Variants in VANGL1 observed in about 807,000 individuals in gnomAD.
VANGL1 encodes vang-like protein 1.
A neutral mutation model predicts 48.4 loss-of-function variants in VANGL1; 18 were observed. The observed-to-expected ratio is 0.37, with a 90% confidence interval of 0.26 to 0.55. VANGL1 has a LOEUF of 0.55. Among genes scored for constraint, VANGL1 ranks in the 20% least tolerant of loss-of-function variants. The probability of loss-of-function intolerance (pLI) is 0.81; values close to 1 mark genes in which losing one functional copy is unlikely to be tolerated. For missense variants in VANGL1, 667 were observed against 675.8 expected (o/e 0.99, Z 0.14); for synonymous variants, 257 against 261.8 (o/e 0.98, Z 0.18).
At chr1:115,664,662 G>A (rs1392800377) in intron 4 of VANGL1, among the ~76,000 whole-genome samples, 1 of 152,172 alleles carries the variant, frequency 6.6e-6, no homozygotes, top group African/African-American at 2.4e-5. Flanking sequence ...TTACCATGTT[G>A]TCCCAGTGGA....
chr1:115,680,654 G>A (rs1653350905), intron 4 of VANGL1, among the ~76,000 whole-genome samples: 1 of 152,206 alleles, frequency 6.6e-6, no homozygotes, highest in Non-Finnish European at 1.5e-5. Context: ...CCATGATTCT[G>A]CTCTTAAGCA....
At position 115,681,202 on chromosome 1, in the gene VANGL1, G is replaced by A. The variant is rs541084747; in HGVS notation, c.813-1162G>A. On this transcript the variant is annotated intron_variant, in intron 4 of 7. Coordinates refer to ENST00000355485, the MANE Select transcript of VANGL1 (RefSeq NM_138959.3). ...GCAAACCCTTGCTGTATCATTGCAAGGTGTTCTTCAAAGTGGCAAGTGTTC... is the reference window on the plus strand; with the variant it reads ...GCAAACCCTTGCTGTATCATTGCAAAGTGTTCTTCAAAGTGGCAAGTGTTC... 3.3e-5 allele frequency among the ~76,000 whole-genome samples: 5 copies of A among 152,276 alleles called. No individual in the cohort carries two copies. In the East Asian group the frequency reaches 5.8e-4, roughly 18 times the overall value.
At chr1:115,644,850 G>C (rs1044467297) in intron 1 of VANGL1, among the ~76,000 whole-genome samples, 4 of 152,162 alleles carry the variant, frequency 2.6e-5, no homozygotes, top group Non-Finnish European at 5.9e-5. Context: ...GCCAAGAGAA[G>C]TTATTCTGGC....
intron 4 of VANGL1, among the ~76,000 whole-genome samples, chr1:115,678,978 T>C (rs1236718861): frequency 6.6e-6 from 1 of 151,310 alleles, no homozygotes; most frequent in African/African-American, 2.4e-5. Flanking sequence ...AAGAAAGGCA[T>C]ATTGGATTTT....
chr1:115,680,341 C>T (rs1653338959), intron 4 of VANGL1, among the ~76,000 whole-genome samples: 1 of 152,194 alleles, frequency 6.6e-6, no homozygotes, highest in African/African-American at 2.4e-5. Flanking sequence ...AGAACATACT[C>T]ACTGTCATGG....
Position 115,651,257 on chromosome 1 carries a change from T to C in VANGL1, c.-137-20T>C, listed in dbSNP as rs560377079. On this transcript the variant is annotated intron_variant, in intron 1 of 7. Coordinates refer to ENST00000355485, the MANE Select transcript of VANGL1 (RefSeq NM_138959.3). ...TTGGCTCTGAAGATTAATGTCTTTTTTTTTCCCCCTCTTTCCCAGAATTTG... is the reference window on the plus strand; with the variant it reads ...TTGGCTCTGAAGATTAATGTCTTTTCTTTTCCCCCTCTTTCCCAGAATTTG... The C allele has an allele frequency of 4.6e-6, 3 of 658,806 alleles. No individual in the cohort carries two copies. In the South Asian group the frequency reaches 5.2e-5, roughly 12 times the overall value. The allele number at this position is 658,806 out of a possible 1,614,324, so 40.8% of individuals were successfully genotyped here.
chr1:115,685,673 TTTATG>T lies in VANGL1; in HGVS notation c.1314+155_1314+159del, dbSNP rs540172398. ...ATAAGAATTAGTGATTCTCACTTATTTTATGTTATGTTAGTACAATTGTTTTTTTA... is the reference window on the plus strand; with the variant it reads ...ATAAGAATTAGTGATTCTCACTTATTTTATGTTAGTACAATTGTTTTTTTA... On this transcript the variant is annotated intron_variant, in intron 7 of 7. Coordinates refer to ENST00000355485, the MANE Select transcript of VANGL1 (RefSeq NM_138959.3). 666 of 912,246 alleles carry T rather than the reference TTTATG, an allele frequency of 7.3e-4. 3 individuals carry two copies. In the African/African-American group the frequency reaches 9.2e-3, roughly 13 times the overall value. The allele number at this position is 912,246 out of a possible 1,614,324, so 56.5% of individuals were successfully genotyped here.
chr1:115,663,561 T>G (rs540631654), intron 3 of VANGL1, 100 bp from the exon 4 acceptor site: 2 of 1,520,798 alleles, frequency 1.3e-6, no homozygotes, highest in Middle Eastern at 1.9e-4. Context: ...CCTTTGTGAA[T>G]AGGGCTGGGT....
chr1:115,644,203 C>G (rs138853526), intron 1 of VANGL1, among the ~76,000 whole-genome samples: 85 of 152,346 alleles, frequency 5.6e-4, no homozygotes, highest in African/African-American at 2.0e-3. Flanking sequence ...AGACTCTCAA[C>G]GTTTAAGCCC....
chr1:115,663,531 A>G (rs1652647489), intron 3 of VANGL1, 130 bp from the exon 4 acceptor site: 2 of 1,279,840 alleles, frequency 1.6e-6, no homozygotes, highest in Non-Finnish European at 2.2e-6. Context: ...TTAAAGAGTT[A>G]AGCTTTCATT....
chr1:115,659,762 G>A lies in VANGL1; in HGVS notation c.193G>A (p.Glu65Lys). ...GTTGGGAAATGATTCTACTCGGACA[G>A]AGGAAGTTCAGGTAAGGATCAAAGG... The part of the protein sequence containing the change: ...PLLGNDSTRT[E>K]EVQDDNWGET... The change falls in exon 3 of 8, where the codon GAG (glutamate) becomes AAG (lysine). Residue 65 changes from glutamate (E) to lysine (K), a missense_variant. Glu to Lys is a moderately conservative substitution (Grantham distance 56). Transcript: ENST00000355485. 2.5e-6 allele frequency: 4 copies of A among 1,614,174 alleles called. No homozygotes were observed. Among genetic ancestry groups the A allele is most frequent in the Non-Finnish European group, 3.4e-6 (4 of 1,180,032 alleles).
Position 115,654,055 on chromosome 1 carries a change from GC to G in VANGL1, c.71+2577del, listed in dbSNP as rs550044505. 1.2e-4 allele frequency among the ~76,000 whole-genome samples: 19 copies of G among 152,234 alleles called. No homozygotes were observed. In the East Asian group the frequency reaches 2.9e-3, roughly 23 times the overall value. On this transcript the variant is annotated intron_variant, in intron 2 of 7. Transcript: ENST00000355485. ...CTAAAGGATGTTAAGCAGTAGGGTT[GC>G]CCCCCACAGGCATGAGAGCAGGCCC...
chr1:115,655,007 G>A (rs1246326517), intron 2 of VANGL1, among the ~76,000 whole-genome samples: 2 of 152,210 alleles, frequency 1.3e-5, no homozygotes, highest in African/African-American at 4.8e-5. Flanking sequence ...GAAACGAAGG[G>A]TGACTCATGT....
At chr1:115,684,994 G>C (rs887755084) in intron 6 of VANGL1, among the ~76,000 whole-genome samples, 1 of 152,164 alleles carries the variant, frequency 6.6e-6, no homozygotes, top group South Asian at 2.1e-4. Flanking sequence ...ATGAAAAAAG[G>C]ACTAGTGCAT....
At position 115,651,365 on chromosome 1, in the gene VANGL1, A is replaced by G. The variant is rs1485029602; in HGVS notation, c.-49A>G. On this transcript the variant is annotated 5_prime_UTR_variant, in exon 2 of 8. Transcript: ENST00000355485. The stretch of plus-strand genomic sequence containing the variant: ...CTGGTAGGTGAAATTTTCTACCTCT[A>G]AGGAGAAACAGTACCTGCTCCTTCC... 13 of 1,575,388 alleles carry G rather than the reference A, an allele frequency of 8.3e-6. No homozygotes were observed. The highest frequency in any genetic ancestry group is 9.6e-6 in the Non-Finnish European group (11 of 1,147,124).
intron 7 of VANGL1, among the ~76,000 whole-genome samples, chr1:115,686,083 C>T (rs913221771): frequency 3.3e-5 from 5 of 152,034 alleles, no homozygotes; most frequent in South Asian, 2.1e-4. Flanking sequence ...CTCTACCATG[C>T]GATTTACATG....
intron 1 of VANGL1, among the ~76,000 whole-genome samples, chr1:115,650,392 C>T (rs546588513): frequency 6.6e-6 from 1 of 152,176 alleles, no homozygotes; most frequent in South Asian, 2.1e-4. Flanking sequence ...CAGGAATGTA[C>T]TTGGAAATGT....
intron 1 of VANGL1, among the ~76,000 whole-genome samples, chr1:115,643,401 C>T (rs1174565665): frequency 6.6e-6 from 1 of 152,144 alleles, no homozygotes; most frequent in African/African-American, 2.4e-5. Flanking sequence ...TCTGTAACCA[C>T]TAATTATAGA....
In VANGL1 at chr1:115,691,800, G is replaced by A. The variant is rs183137974; in HGVS notation, c.*421G>A. 59 of 179,656 alleles carry A rather than the reference G, an allele frequency of 3.3e-4. No individual in the cohort carries two copies. The highest frequency in any genetic ancestry group is 1.4e-3 in the African/African-American group (57 of 41,886). 11.1% of individuals were successfully genotyped at this position (179,656 alleles called of 1,614,324 possible). A position where few individuals can be genotyped will look rare whatever the true frequency, so the allele number is the denominator to read the frequency against. On this transcript the variant is annotated 3_prime_UTR_variant, in exon 8 of 8. Transcript: ENST00000355485. ...TGTTTCAGGAAACCAGTCACGACAC[G>A]TCCACATATGTATTTGTGTATGTTA...
Sources: gnomAD v4.1 joint callset for allele counts (sites outside exome capture counted in the v4.1 genomes callset) on GRCh38, gnomAD v4.1.1 for gene constraint, MANE v1.5 for transcripts, NCBI Gene and HGNC (gene_info 2026-07-23, HGNC 2026-07-21) for gene names.